Variants in NEK10 observed in about 807,000 individuals in gnomAD.
NEK10 encodes NIMA related kinase 10.
Under a neutral mutation model 159.8 loss-of-function variants are expected in NEK10, and 122 were observed. The ratio of observed to expected loss-of-function variants is 0.76; its 90% CI spans 0.66 to 0.89. The LOEUF is 0.89. Among genes scored for constraint, NEK10 ranks in the 40% least tolerant of loss-of-function variants. The pLI is 0.00. For synonymous variants in NEK10, 466 were observed against 457.1 expected, an observed-to-expected ratio of 1.02 and a Z score of -0.25; for missense variants, 1,342 against 1,323.1, an observed-to-expected ratio of 1.01 and a Z score of -0.22.
At chr3:27,135,744 T>C (rs1256136752) in intron 31 of NEK10, among the ~76,000 whole-genome samples, 1 of 152,232 alleles carries the variant, frequency 6.6e-6, no homozygotes, top group Non-Finnish European at 1.5e-5. Context: ...AAGACTGTTA[T>C]CAAACTAAAT....
At chr3:27,190,865 C>T (rs910227594) in intron 26 of NEK10, among the ~76,000 whole-genome samples, 3 of 152,200 alleles carry the variant, frequency 2.0e-5, no homozygotes, top group Non-Finnish European at 4.4e-5. Flanking sequence ...TGAGCTCTAA[C>T]TCCCCTTCTG....
At chr3:27,216,815 A>T (rs557409292) in intron 23 of NEK10, among the ~76,000 whole-genome samples, 1 of 152,348 alleles carries the variant, frequency 6.6e-6, no homozygotes, top group African/African-American at 2.4e-5. Flanking sequence ...AAACTGCAGA[A>T]TTTGAGCAAA....
chr3:27,258,569 T>C (rs571209732), intron 22 of NEK10, among the ~76,000 whole-genome samples: 19 of 152,210 alleles, frequency 1.2e-4, no homozygotes, highest in Non-Finnish European at 2.5e-4. Flanking sequence ...TATGGCTGCA[T>C]AGTATTCCAT....
chr3:27,119,756 T>C lies in NEK10; in HGVS notation c.3190+4A>G, dbSNP rs778684777. On this transcript the variant is annotated splice_donor_region_variant and intron_variant, in intron 33 of 35. Coordinates refer to ENST00000691995, the MANE Select transcript of NEK10 (RefSeq NM_001394966.1). ...GCCAGGTTACCCATGTTGATCACTATTACCTGTAGGGTCATTTGGGGACAG... is the reference window on the plus strand; with the variant it reads ...GCCAGGTTACCCATGTTGATCACTACTACCTGTAGGGTCATTTGGGGACAG... 2 of 1,605,320 alleles carry C rather than the reference T, an allele frequency of 1.2e-6. No homozygotes were observed. The highest frequency in any genetic ancestry group is 1.1e-5 in the South Asian group (1 of 90,914).
chr3:27,354,792 T>G (rs540358340), intron 1 of NEK10, among the ~76,000 whole-genome samples: 119 of 152,268 alleles, frequency 7.8e-4, no homozygotes, highest in African/African-American at 2.3e-3. Context: ...TCTAAGCCCA[T>G]GGAGGAATGC....
Position 27,256,326 on chromosome 3 carries a change from G to A in NEK10, c.2060C>T (p.Thr687Ile), listed in dbSNP as rs753116254. The change falls in exon 23 of 36, where the codon ACC becomes ATC. Residue 687 changes from threonine to isoleucine, a missense_variant. Thr to Ile is a moderately conservative substitution (Grantham distance 89, BLOSUM62 -1). Coordinates refer to ENST00000691995, the MANE Select transcript of NEK10 (RefSeq NM_001394966.1). ...AKQKQENSKL[T>I]SVVGTILYSC... ...ATACAGGATTGTTCCAACCACAGAGGTGAGTTTACTGTTTTCTTGTTTTTG... is the reference window on the plus strand; with the variant it reads ...ATACAGGATTGTTCCAACCACAGAGATGAGTTTACTGTTTTCTTGTTTTTG... The A allele has an allele frequency of 4.4e-5, 69 of 1,568,854 alleles. No individual in the cohort carries two copies. The highest frequency in any genetic ancestry group is 1.4e-5 in the African/African-American group (1 of 71,370).
chr3:27,362,482 T>G (rs999901279), intron 1 of NEK10, among the ~76,000 whole-genome samples: 1 of 151,996 alleles, frequency 6.6e-6, no homozygotes, highest in Admixed American at 6.6e-5. Flanking sequence ...TGAGATAATG[T>G]TAGAGTGTCC....
intron 29 of NEK10, among the ~76,000 whole-genome samples, chr3:27,168,501 A>G (rs1288241942): frequency 6.6e-6 from 1 of 152,120 alleles, no homozygotes; most frequent in African/African-American, 2.4e-5. Context: ...ACATTTTGGG[A>G]TTGTCTCCTT....
chr3:27,112,493 TG>T (rs1939719625), intron 35 of NEK10, among the ~76,000 whole-genome samples: 1 of 152,208 alleles, frequency 6.6e-6, no homozygotes, highest in Non-Finnish European at 1.5e-5. Flanking sequence ...ATGACAATGA[TG>T]ACCATGTCAA....
chr3:27,152,842 A>G (rs1475267546), intron 30 of NEK10, among the ~76,000 whole-genome samples: 1 of 152,192 alleles, frequency 6.6e-6, no homozygotes, highest in Non-Finnish European at 1.5e-5. Flanking sequence ...AATGGACACC[A>G]AAAGTGAGCA....
intron 22 of NEK10, among the ~76,000 whole-genome samples, chr3:27,279,912 G>T (rs1479494246): frequency 1.3e-5 from 2 of 152,094 alleles, no homozygotes; most frequent in African/African-American, 2.4e-5. Context: ...GCTCACGCCT[G>T]TAATCCCAGC....
intron 1 of NEK10, among the ~76,000 whole-genome samples, chr3:27,355,242 C>T (rs144957073): frequency 6.6e-6 from 1 of 152,208 alleles, no homozygotes; most frequent in Non-Finnish European, 1.5e-5. Context: ...CCTTGGTCCT[C>T]CTCCCTTCTC....
intron 29 of NEK10, 112 bp from the exon 30 acceptor site, chr3:27,162,850 C>A: frequency 7.1e-7 from 1 of 1,410,148 alleles, no homozygotes; most frequent in South Asian, 1.3e-5. Context: ...AGATTATTTT[C>A]CCTCAAGATG....
rs188517804 is a variant in NEK10, at chr3:27,152,357, C to G, written c.2869+10344G>C. 2.6e-5 allele frequency among the ~76,000 whole-genome samples: 4 copies of G among 152,254 alleles called. No individual in the cohort carries two copies. The East Asian group carries it at 5.8e-4, about 22-fold the overall frequency. ...CTATCTTCAGCCTCCTCAAACTAAA[C>G]AATTATCAGCCAAGAACTTTGTATC... On this transcript the variant is annotated intron_variant, in intron 30 of 35. Coordinates refer to ENST00000691995, the MANE Select transcript of NEK10 (RefSeq NM_001394966.1).
chr3:27,304,994 G>A, intron 11 of NEK10, 23 bp from the exon 12 acceptor site: 1 of 1,447,140 alleles, frequency 6.9e-7, no homozygotes, highest in Non-Finnish European at 9.7e-7. Context: ...CAGAGGGTGG[G>A]GTGAGAATCA....
intron 23 of NEK10, among the ~76,000 whole-genome samples, chr3:27,217,541 C>T (rs1951660248): frequency 6.6e-6 from 1 of 152,078 alleles, no homozygotes; most frequent in Non-Finnish European, 1.5e-5. Context: ...CCCCCATGAC[C>T]CAATCACCTC....
chr3:27,124,700 C>T (rs558879294), intron 32 of NEK10, among the ~76,000 whole-genome samples: 1 of 152,236 alleles, frequency 6.6e-6, no homozygotes, highest in South Asian at 2.1e-4. Flanking sequence ...AAAGAATTAG[C>T]TGAAGGAAAA....
intron 32 of NEK10, among the ~76,000 whole-genome samples, chr3:27,125,531 C>A (rs1040921325): frequency 6.6e-5 from 10 of 152,152 alleles, no homozygotes; most frequent in African/African-American, 2.4e-4. Flanking sequence ...TTATAAGATA[C>A]AACATATTGC....
At chr3:27,220,883 A>G (rs1354865254) in intron 23 of NEK10, among the ~76,000 whole-genome samples, 2 of 152,234 alleles carry the variant, frequency 1.3e-5, no homozygotes, top group East Asian at 3.8e-4. Context: ...TATATGGTCA[A>G]CTGATTTTTG....
Sources: gnomAD v4.1 joint callset for allele counts (sites outside exome capture counted in the v4.1 genomes callset) on GRCh38, gnomAD v4.1.1 for gene constraint, MANE v1.5 for transcripts, NCBI Gene and HGNC (gene_info 2026-07-23, HGNC 2026-07-21) for gene names.